KIAA1217: variants seen among roughly 807,000 people sequenced by gnomAD.
KIAA1217 encodes sickle tail protein homolog.
KIAA1217 carries 88 observed loss-of-function variants against 163.9 expected under a neutral mutation model. The observed-to-expected ratio is 0.54, with a 90% CI of 0.45 to 0.64. The LOEUF (loss-of-function observed/expected upper bound fraction) is 0.64, where lower values mean the gene tolerates loss of function less well. Among genes scored for constraint, KIAA1217 ranks in the 30% least tolerant of loss-of-function variants. The probability of loss-of-function intolerance (pLI) is 0.00; values close to 1 mark genes in which losing one functional copy is unlikely to be tolerated. For synonymous variants in KIAA1217, 903 were observed against 923.1 expected (o/e 0.98, Z 0.39); for missense variants, 2,372 against 2,475.0 (o/e 0.96, Z 0.88).
chr10:24,206,039 G>A (rs1003470472), upstream of KIAA1217, among the ~76,000 whole-genome samples: 3 of 152,122 alleles, frequency 2.0e-5, no homozygotes, highest in African/African-American at 7.2e-5. Context: ...CCTTTTAAAT[G>A]ACATTTGTTT....
At position 24,473,812 on chromosome 10, in the gene KIAA1217, A is replaced by G. The variant is rs199994518; in HGVS notation, c.1431A>G (p.Arg477=). The change falls in exon 6 of 21, where the codon AGA becomes AGG. Residue 477 remains arginine (R), a synonymous_variant. Coordinates refer to ENST00000376454, the MANE Select transcript of KIAA1217 (RefSeq NM_019590.5). ...GSKTPPASPH[R]VSDLRMIDMH... ...AAACACCCCCTGCCTCTCCTCACAG[A>G]GTCAGTGACCTGAGGATGATAGACA... 8 of 1,614,160 alleles carry G rather than the reference A, an allele frequency of 5.0e-6. No homozygotes were observed. In the South Asian group the frequency reaches 7.7e-5, roughly 16 times the overall value.
intron 1 of KIAA1217, among the ~76,000 whole-genome samples, chr10:23,780,708 T>C (rs1461739045): frequency 6.6e-6 from 1 of 152,190 alleles, no homozygotes; most frequent in East Asian, 1.9e-4. Context: ...GGAATGGAGT[T>C]TCACTCTTGT....
intron 1 of KIAA1217, among the ~76,000 whole-genome samples, chr10:23,965,002 A>G (rs918675081): frequency 1.3e-5 from 2 of 152,208 alleles, no homozygotes; most frequent in Admixed American, 1.3e-4. Context: ...AGGAACAGAA[A>G]ATGACTTTAC....
chr10:24,227,783 C>T (rs189042937), intron 2 of KIAA1217, among the ~76,000 whole-genome samples: 37 of 152,206 alleles, frequency 2.4e-4, no homozygotes, highest in Non-Finnish European at 1.2e-4. Context: ...CCACCCACCT[C>T]GGCCTCCCAA....
intron 1 of KIAA1217, among the ~76,000 whole-genome samples, chr10:23,977,877 C>T (rs1262253689): frequency 6.6e-6 from 1 of 152,164 alleles, no homozygotes; most frequent in African/African-American, 2.4e-5. Context: ...AAGAGAGCTT[C>T]AGGAGTAGTT....
At chr10:23,879,765 A>G (rs1360523263) in intron 1 of KIAA1217, among the ~76,000 whole-genome samples, 2 of 151,900 alleles carry the variant, frequency 1.3e-5, no homozygotes, top group East Asian at 3.9e-4. Context: ...TTTTTTTAAG[A>G]TGGTAAAAAG....
In KIAA1217 at chr10:24,225,371, G is replaced by C. The variant is rs549094966; in HGVS notation, c.354+5462G>C. On this transcript the variant is annotated intron_variant, in intron 2 of 20. Transcript: ENST00000376454. ...AAGCCTGGCCTCAAGCGATCCTCTC[G>C]CTTTGACCTCCTAAAGTGCTGGGAT... is the stretch of plus-strand genomic sequence containing the variant. Among the ~76,000 whole-genome samples, 4 of 152,208 alleles carry C rather than the reference G, an allele frequency of 2.6e-5. No homozygotes were observed. In the South Asian group the frequency reaches 8.3e-4, roughly 32 times the overall value.
rs780740976 is a variant in KIAA1217, at chr10:24,301,247, A to G, written c.355-79622A>G. ...GGCATCTTCAAGTTAGAACCAGGTC[A>G]TTATTTTTGTATCAATGACATTTCA... On this transcript the variant is annotated intron_variant, in intron 2 of 20. Transcript: ENST00000376454. 3.3e-5 allele frequency among the ~76,000 whole-genome samples: 5 copies of G among 152,152 alleles called. No individual in the cohort carries two copies. The South Asian group carries it at 1.0e-3, about 31-fold the overall frequency.
intron 2 of KIAA1217, among the ~76,000 whole-genome samples, chr10:24,044,430 C>T (rs1040789546): frequency 1.3e-5 from 2 of 152,058 alleles, no homozygotes; most frequent in African/African-American, 2.4e-5. Flanking sequence ...TTAATCTTGA[C>T]GTAGCTTATC....
intron 2 of KIAA1217, among the ~76,000 whole-genome samples, chr10:24,374,246 G>A (rs1015358633): frequency 6.6e-6 from 1 of 152,180 alleles, no homozygotes; most frequent in African/African-American, 2.4e-5. Context: ...TCTCAGATAT[G>A]CACCGTTGGA....
intron 2 of KIAA1217, among the ~76,000 whole-genome samples, chr10:24,303,871 TG>T (rs1298671160): frequency 6.6e-6 from 1 of 152,192 alleles, no homozygotes; most frequent in Non-Finnish European, 1.5e-5. Context: ...CAGTTTCACT[TG>T]GATCTTCATA....
intron 1 of KIAA1217, among the ~76,000 whole-genome samples, chr10:23,936,956 G>A (rs1168490552): frequency 6.6e-6 from 1 of 151,970 alleles, no homozygotes; most frequent in Admixed American, 6.6e-5. Context: ...TCAGCTTACT[G>A]CAACCTCCAC....
intron 1 of KIAA1217, among the ~76,000 whole-genome samples, chr10:23,907,261 G>A (rs567364271): frequency 3.3e-4 from 50 of 151,608 alleles, no homozygotes; most frequent in African/African-American, 1.1e-3. Flanking sequence ...GTATTAGTCA[G>A]GGTTCTGCAG....
At chr10:23,847,539 G>A (rs1281127865) in intron 1 of KIAA1217, among the ~76,000 whole-genome samples, 1 of 152,058 alleles carries the variant, frequency 6.6e-6, no homozygotes, top group East Asian at 1.9e-4. Context: ...ATTCTCTGAT[G>A]GTAGTTTGTA....
chr10:24,020,378 C>T (rs1231189494), intron 2 of KIAA1217, among the ~76,000 whole-genome samples: 4 of 152,028 alleles, frequency 2.6e-5, no homozygotes, highest in African/African-American at 9.7e-5. Flanking sequence ...AAGTAGCAAA[C>T]TTGATAAGAA....
At chr10:24,113,325 C>T (rs2062929533) in intron 2 of KIAA1217, among the ~76,000 whole-genome samples, 1 of 152,172 alleles carries the variant, frequency 6.6e-6, no homozygotes, top group Admixed American at 6.5e-5. Context: ...AAGTCCATTC[C>T]TGGTAAGCAA....
chr10:23,913,736 C>G (rs17492060), intron 1 of KIAA1217, among the ~76,000 whole-genome samples: 44,198 of 151,986 alleles, frequency 0.29, 6,665 homozygotes, highest in Middle Eastern at 0.42. Context: ...AGATTCTCCA[C>G]ATAGACTAAT....
chr10:23,803,988 T>G (rs576934343), intron 1 of KIAA1217, among the ~76,000 whole-genome samples: 5 of 152,302 alleles, frequency 3.3e-5, no homozygotes, highest in African/African-American at 1.2e-4. Flanking sequence ...ATATATGATA[T>G]AAATATGGAA....
At chr10:24,193,658 T>C (rs1489357467) in intron 2 of KIAA1217, among the ~76,000 whole-genome samples, 4 of 152,228 alleles carry the variant, frequency 2.6e-5, no homozygotes, top group East Asian at 1.9e-4. Context: ...AGCTGCGCCA[T>C]GCAGAACTGC....
Sources: gnomAD v4.1 joint callset for allele counts (sites outside exome capture counted in the v4.1 genomes callset) on GRCh38, gnomAD v4.1.1 for gene constraint, MANE v1.5 for transcripts, NCBI Gene and HGNC (gene_info 2026-07-23, HGNC 2026-07-21) for gene names.